Variants in NUP133 observed in about 807,000 individuals in gnomAD.
NUP133 encodes nuclear pore complex protein Nup133.
In NUP133, 66 loss-of-function variants were observed where a neutral mutation model predicts 146.2. That is an observed-to-expected ratio of 0.45 (90% CI 0.37 to 0.55). The LOEUF is 0.55. NUP133 is among the 20% of genes least tolerant of loss of function. The pLI is 0.00. For synonymous variants in NUP133, 521 were observed against 498.8 expected, an observed-to-expected ratio of 1.04 and a Z score of -0.59; for missense variants, 1,277 against 1,374.8, an observed-to-expected ratio of 0.93 and a Z score of 1.12.
rs1184993717 is a variant in NUP133, at chr1:229,508,234, G to A, written c.16C>T (p.Pro6Ser). ...CCGGTACCCGGGGTCCGCGGAGAAG[G>A]GGCGGCTGGGAACATGACTCCAAGG... MFPAAPSPRTPGTGSR... is the reference protein window; with the variant it reads MFPAASSPRTPGTGSR... The change falls in exon 1 of 26, where the codon CCT becomes TCT. Residue 6 changes from proline to serine, a missense_variant. Around this residue, in one of 3 missense-constraint regions of NUP133, gnomAD observed 319 missense variants for 306.9 expected, o/e 1.04. Coordinates refer to ENST00000261396, the MANE Select transcript of NUP133 (RefSeq NM_018230.3). The A allele has an allele frequency of 7.8e-6, 12 of 1,535,850 alleles. No homozygotes were observed. Among genetic ancestry groups the A allele is most frequent in the Non-Finnish European group, 1.0e-5 (12 of 1,143,328 alleles).
At chr1:229,444,286 G>GC (rs1433373221) in intron 25 of NUP133, among the ~76,000 whole-genome samples, 8 of 151,860 alleles carry the variant, frequency 5.3e-5, no homozygotes, top group African/African-American at 1.9e-4. Context: ...AGCTGAGATT[G>GC]AGCCACTGCA....
chr1:229,493,601 A>G (rs1390081548), intron 8 of NUP133, among the ~76,000 whole-genome samples: 3 of 152,128 alleles, frequency 2.0e-5, no homozygotes, highest in African/African-American at 7.2e-5. Flanking sequence ...CCCATATGAG[A>G]AATTCTCTGT....
intron 7 of NUP133, 59 bp downstream of exon 7, chr1:229,495,833 C>A: frequency 7.4e-7 from 1 of 1,351,416 alleles, no homozygotes; most frequent in Non-Finnish European, 1.0e-6. Flanking sequence ...ATTAAGGGAA[C>A]CAGCATTATC....
Position 229,466,716 on chromosome 1 carries a change from T to C in NUP133, c.2117A>G (p.His706Arg). The C allele has an allele frequency of 4.3e-6, 7 of 1,614,038 alleles. No individual in the cohort carries two copies. Among genetic ancestry groups the C allele is most frequent in the Non-Finnish European group, 5.9e-6 (7 of 1,179,898 alleles). The change falls in exon 16 of 26, where the codon CAT (histidine) becomes CGT (arginine). Residue 706 changes from histidine (H) to arginine (R), a missense_variant. Physicochemically the swap from His to Arg is conservative, Grantham distance 29. Coordinates refer to ENST00000261396, the MANE Select transcript of NUP133 (RefSeq NM_018230.3). ...VDTICECLLE[H>R]EEQVLRDAPM... is the part of the protein sequence containing the mutation. ...TGCATCCCTCAAGACTTGCTCCTCATGCTCCAGTAAGCACTCACAGATGGT... is the reference window on the plus strand; with the variant it reads ...TGCATCCCTCAAGACTTGCTCCTCACGCTCCAGTAAGCACTCACAGATGGT...
In NUP133 at chr1:229,449,663, G is replaced by A. The variant is rs577290922; in HGVS notation, c.3181-473C>T. Among the ~76,000 whole-genome samples, 11 of 150,498 alleles carry A rather than the reference G, an allele frequency of 7.3e-5. No individual in the cohort carries two copies. The South Asian group carries it at 1.9e-3, about 26-fold the overall frequency. ...TAGGATTACAGGTGTAAGCCACCTC[G>A]CCCGGCCTGAGAGGGGTAAGATTTT... On this transcript the variant is annotated intron_variant, in intron 23 of 25. Coordinates refer to ENST00000261396, the MANE Select transcript of NUP133 (RefSeq NM_018230.3).
chr1:229,469,101 C>G (rs1476351102), intron 15 of NUP133, among the ~76,000 whole-genome samples: 1 of 152,154 alleles, frequency 6.6e-6, no homozygotes, highest in East Asian at 1.9e-4. Context: ...AGGAAGGAAG[C>G]AAAATTTGAG....
Position 229,498,319 on chromosome 1 carries a change from A to C in NUP133, c.649-13T>G. 2.6e-6 allele frequency: 4 copies of C among 1,563,326 alleles called. No homozygotes were observed. The highest frequency in any genetic ancestry group is 3.4e-6 in the Non-Finnish European group (4 of 1,160,564). ...TAAAACTTCCTCCCTGTGAAAAAAC[A>C]TTATGAGGTTAGTTCAGTTTAGCAT... On this transcript the variant is annotated splice_polypyrimidine_tract_variant and intron_variant, in intron 5 of 25. Transcript: ENST00000261396.
intron 19 of NUP133, 107 bp downstream of exon 19, chr1:229,463,436 A>T (rs1350529123): frequency 1.4e-5 from 18 of 1,242,138 alleles, no homozygotes; most frequent in Non-Finnish European, 2.0e-5. Context: ...AACTACAAAA[A>T]GATCGTATCA....
intron 4 of NUP133, 131 bp from the exon 5 acceptor site, chr1:229,499,949 A>C: frequency 9.0e-7 from 1 of 1,114,060 alleles, no homozygotes; most frequent in Non-Finnish European, 1.3e-6. Context: ...ATAAGAACTC[A>C]CCAGTGTTTT....
chr1:229,492,542 G>A (rs1249326235), intron 8 of NUP133, among the ~76,000 whole-genome samples: 1 of 151,996 alleles, frequency 6.6e-6, no homozygotes, highest in Non-Finnish European at 1.5e-5. Context: ...TCCTAGCACG[G>A]CTCATTTTCC....
intron 15 of NUP133, among the ~76,000 whole-genome samples, chr1:229,470,260 C>T (rs1660922894): frequency 6.7e-6 from 1 of 150,232 alleles, no homozygotes; most frequent in African/African-American, 2.5e-5. Context: ...ATCACTGGAA[C>T]CCGGGCAACA....
rs546616306 is a variant in NUP133, at chr1:229,445,071, C to T, written c.3246-69G>A. The stretch of plus-strand genomic sequence containing the variant: ...ATAGCTGAATTAAATGATTTGTTTG[C>T]TATCATGGTTTTATTTTGATGGCTG... On this transcript the variant is annotated intron_variant, in intron 24 of 25. Coordinates refer to ENST00000261396, the MANE Select transcript of NUP133 (RefSeq NM_018230.3). 1.6e-5 allele frequency: 18 copies of T among 1,150,766 alleles called. No homozygotes were observed. In the East Asian group the frequency reaches 4.2e-4, roughly 27 times the overall value. The allele number at this position is 1,150,766 out of a possible 1,614,324, so 71.3% of individuals were successfully genotyped here.
Position 229,453,905 on chromosome 1 carries a change from CCTGT to C in NUP133, c.2981-1266_2981-1263del, listed in dbSNP as rs550573403. Among the ~76,000 whole-genome samples the C allele has an allele frequency of 2.7e-4, 40 of 146,208 alleles. No individual in the cohort carries two copies. The East Asian group carries it at 3.5e-3, about 13-fold the overall frequency. The stretch of plus-strand genomic sequence containing the variant: ...CTACATATGTTTTATGTATTCATAA[CCTGT>C]CTTTTTCTTAATTTTTTTTTGGTAT... On this transcript the variant is annotated intron_variant, in intron 21 of 25. Coordinates refer to ENST00000261396, the MANE Select transcript of NUP133 (RefSeq NM_018230.3).
At chr1:229,464,563 C>A (rs1660768761) in intron 18 of NUP133, 61 bp downstream of exon 18, 1 of 1,556,590 alleles carries the variant, frequency 6.4e-7, no homozygotes, top group African/African-American at 1.4e-5. Flanking sequence ...ACTGAATTAA[C>A]TATTCAACCC....
chr1:229,444,205 C>T (rs1660253443), intron 25 of NUP133, among the ~76,000 whole-genome samples: 1 of 151,998 alleles, frequency 6.6e-6, no homozygotes, highest in South Asian at 2.1e-4. Context: ...GTGGTGCGTG[C>T]CTGTAATCCC....
chr1:229,502,386 C>T (rs1259912857), intron 2 of NUP133, among the ~76,000 whole-genome samples: 3 of 151,394 alleles, frequency 2.0e-5, no homozygotes, highest in Non-Finnish European at 4.4e-5. Flanking sequence ...GGTGAAACTC[C>T]AACTCTACTA....
intron 9 of NUP133, among the ~76,000 whole-genome samples, chr1:229,489,303 G>C (rs1194021413): frequency 6.6e-6 from 1 of 152,214 alleles, no homozygotes; most frequent in East Asian, 1.9e-4. Context: ...CTAGAGGCAT[G>C]TACTCATCAT....
chr1:229,507,358 T>A (rs1265702652), intron 1 of NUP133, among the ~76,000 whole-genome samples: 1 of 152,234 alleles, frequency 6.6e-6, no homozygotes, highest in Admixed American at 6.5e-5. Flanking sequence ...ATTCATTTTT[T>A]ATAGATGAAT....
chr1:229,488,595 TTA>T (rs1661420556), intron 9 of NUP133, among the ~76,000 whole-genome samples: 1 of 152,102 alleles, frequency 6.6e-6, no homozygotes, highest in Non-Finnish European at 1.5e-5. Context: ...ATGATAAAGT[TTA>T]TTTCTGTTTG....
Sources: gnomAD v4.1 joint callset for allele counts (sites outside exome capture counted in the v4.1 genomes callset) on GRCh38, gnomAD v4.1.1 for gene constraint, gnomAD v4.1.1 regional missense constraint, MANE v1.5 for transcripts, NCBI Gene and HGNC (gene_info 2026-07-23, HGNC 2026-07-21) for gene names.